Variants in FSTL5 observed in about 807,000 individuals in gnomAD.
The protein encoded by FSTL5 is follistatin-related protein 5.
FSTL5 carries 62 observed loss-of-function variants against 89.1 expected under a neutral mutation model. That is an observed-to-expected ratio of 0.70 (90% confidence interval 0.57 to 0.86). The LOEUF is 0.86. FSTL5 is among the 40% of genes least tolerant of loss of function. The pLI, the probability that FSTL5 is intolerant of heterozygous loss-of-function variation, is 0.00. For synonymous variants in FSTL5, 383 were observed against 346.2 expected, an observed-to-expected ratio of 1.11 and a Z score of -1.18; for missense variants, 1,057 against 1,001.6, an observed-to-expected ratio of 1.06 and a Z score of -0.75.
At chr4:161,709,710 C>T in intron 6 of FSTL5, among the ~76,000 whole-genome samples, 1 of 152,070 alleles carries the variant, frequency 6.6e-6, no homozygotes, top group East Asian at 1.9e-4. Context: ...GTGCGAGGAT[C>T]ACTTGAGCCC....
intron 10 of FSTL5, among the ~76,000 whole-genome samples, chr4:161,513,430 A>C (rs894500220): frequency 1.3e-5 from 2 of 152,044 alleles, no homozygotes; most frequent in African/African-American, 2.4e-5. Context: ...GATTCCTCAA[A>C]GACCTAAAAA....
intron 2 of FSTL5, among the ~76,000 whole-genome samples, chr4:162,084,514 G>A (rs1730230273): frequency 1.3e-5 from 2 of 151,910 alleles, no homozygotes; most frequent in Admixed American, 1.3e-4. Context: ...TAAAGATTTG[G>A]AACCAACCCA....
At chr4:162,044,823 T>C (rs1057175508) in intron 2 of FSTL5, among the ~76,000 whole-genome samples, 9 of 152,290 alleles carry the variant, frequency 5.9e-5, no homozygotes, top group African/African-American at 2.2e-4. Context: ...TGAACCAACA[T>C]CTGACAGCTT....
At chr4:161,828,840 A>G (rs772581906) in intron 4 of FSTL5, among the ~76,000 whole-genome samples, 104 of 152,176 alleles carry the variant, frequency 6.8e-4, no homozygotes, top group Admixed American at 2.6e-4. Context: ...ACAGTGCTTT[A>G]TAAATGCAAC....
chr4:161,599,512 C>T (rs1318460120), intron 7 of FSTL5, among the ~76,000 whole-genome samples: 1 of 152,086 alleles, frequency 6.6e-6, no homozygotes, highest in Non-Finnish European at 1.5e-5. Context: ...ACAGATTAAT[C>T]ACACAACACA....
intron 4 of FSTL5, among the ~76,000 whole-genome samples, chr4:161,790,737 G>A (rs1199449811): frequency 1.3e-5 from 2 of 152,188 alleles, no homozygotes; most frequent in Admixed American, 6.5e-5. Flanking sequence ...AAGTAAACCA[G>A]AGACACAGTT....
intron 4 of FSTL5, among the ~76,000 whole-genome samples, chr4:161,858,998 G>A (rs541280458): frequency 2.6e-5 from 4 of 152,298 alleles, no homozygotes; most frequent in African/African-American, 9.6e-5. Context: ...CTGGGAAAAT[G>A]TCTCAGTAGA....
intron 4 of FSTL5, among the ~76,000 whole-genome samples, chr4:161,850,243 C>T (rs1024551584): frequency 4.6e-5 from 7 of 152,104 alleles, no homozygotes; most frequent in Non-Finnish European, 8.8e-5. Flanking sequence ...GTAGAAGTTA[C>T]TATTTATACG....
At chr4:162,059,333 G>A (rs572255740) in intron 2 of FSTL5, among the ~76,000 whole-genome samples, 3 of 152,200 alleles carry the variant, frequency 2.0e-5, no homozygotes, top group Non-Finnish European at 2.9e-5. Flanking sequence ...AGGACATCAC[G>A]CATGGTAGAA....
intron 5 of FSTL5, among the ~76,000 whole-genome samples, chr4:161,760,832 A>G (rs1740767019): frequency 6.6e-6 from 1 of 152,130 alleles, no homozygotes; most frequent in Non-Finnish European, 1.5e-5. Flanking sequence ...AAAGATCCTC[A>G]GATGCTTTTG....
chr4:162,048,467 T>C (rs17459842), intron 2 of FSTL5, among the ~76,000 whole-genome samples: 14,008 of 152,168 alleles, frequency 0.092, 771 homozygotes, highest in Non-Finnish European at 0.12. Flanking sequence ...CTCAAGAACA[T>C]GTTATAAACA....
intron 15 of FSTL5, among the ~76,000 whole-genome samples, chr4:161,402,797 A>T (rs1319295158): frequency 2.6e-5 from 4 of 152,104 alleles, no homozygotes; most frequent in Admixed American, 2.6e-4. Flanking sequence ...GACAACATCA[A>T]AATAGTAATT....
chr4:162,154,394 T>G (rs1168140823), intron 1 of FSTL5, among the ~76,000 whole-genome samples: 1 of 152,184 alleles, frequency 6.6e-6, no homozygotes, highest in East Asian at 1.9e-4. Flanking sequence ...TTTTCAAATG[T>G]TGAAGTTTTT....
At chr4:162,113,920 C>T (rs1422611565) in intron 1 of FSTL5, among the ~76,000 whole-genome samples, 1 of 152,094 alleles carries the variant, frequency 6.6e-6, no homozygotes, top group East Asian at 1.9e-4. Context: ...CATTAGATAT[C>T]TTTTTTCTCA....
At chr4:161,430,093 T>C (rs1052908765) in intron 15 of FSTL5, among the ~76,000 whole-genome samples, 7 of 151,482 alleles carry the variant, frequency 4.6e-5, no homozygotes, top group Non-Finnish European at 8.8e-5. Context: ...AAAATGCAAA[T>C]GACATACTGA....
rs541848529 is a variant in FSTL5, at chr4:162,044,846, C to T, written c.127-11188G>A. On this transcript the variant is annotated intron_variant, in intron 2 of 15. Transcript: ENST00000306100. ...CATCTGACAGCTTCCAACTTTTCTT[C>T]TGCAGCTTTCTCACCTCTCTCAACC... is the stretch of plus-strand genomic sequence containing the variant. 4.6e-5 allele frequency among the ~76,000 whole-genome samples: 7 copies of T among 152,316 alleles called. No individual in the cohort carries two copies. In the East Asian group the frequency reaches 1.4e-3, roughly 29 times the overall value.
intron 4 of FSTL5, among the ~76,000 whole-genome samples, chr4:161,795,484 C>T (rs7682574): frequency 0.73 from 111,447 of 151,856 alleles, 40,953 homozygotes; most frequent in Non-Finnish European, 0.76. Flanking sequence ...TTCCTGTCAG[C>T]GGACCAGTTC....
chr4:161,693,903 G>T (rs1278715911), intron 6 of FSTL5, among the ~76,000 whole-genome samples: 2 of 152,156 alleles, frequency 1.3e-5, no homozygotes, highest in Non-Finnish European at 2.9e-5. Flanking sequence ...CTCCCAAAGT[G>T]CTAGGATTAC....
intron 3 of FSTL5, among the ~76,000 whole-genome samples, chr4:161,935,632 T>C (rs1734411575): frequency 6.6e-6 from 1 of 152,118 alleles, no homozygotes; most frequent in South Asian, 2.1e-4. Context: ...TGAAGGTTTT[T>C]TTAAAGCTCG....
Sources: allele counts gnomAD v4.1 joint callset (sites outside exome capture counted in the v4.1 genomes callset), GRCh38; gene constraint gnomAD v4.1.1; transcripts MANE v1.5; gene names NCBI Gene and HGNC (gene_info 2026-07-23, HGNC 2026-07-21).